Variants in CACNA2D3 observed in about 807,000 individuals in gnomAD.
CACNA2D3 encodes the protein voltage-dependent calcium channel subunit alpha-2/delta-3.
Under a neutral mutation model 160.6 loss-of-function variants are expected in CACNA2D3, and 60 were observed. The ratio of observed to expected loss-of-function variants is 0.37; its 90% CI spans 0.30 to 0.46. The LOEUF (loss-of-function observed/expected upper bound fraction) is 0.46. Ranked by LOEUF, CACNA2D3 falls within the 20% of genes least tolerant of loss-of-function variation. CACNA2D3 has a pLI of 1.00. For synonymous variants in CACNA2D3, 558 were observed against 492.9 expected, an observed-to-expected ratio of 1.13 and a Z score of -1.75; for missense variants, 1,205 against 1,365.0, an observed-to-expected ratio of 0.88 and a Z score of 1.85.
chr3:54,769,908 G>A (rs569080896), intron 13 of CACNA2D3, among the ~76,000 whole-genome samples: 1 of 152,276 alleles, frequency 6.6e-6, no homozygotes, highest in South Asian at 2.1e-4. Flanking sequence ...AGGCACTAAT[G>A]TCTGGGGGTG....
intron 9 of CACNA2D3, among the ~76,000 whole-genome samples, chr3:54,587,550 T>C (rs1702783472): frequency 6.6e-6 from 1 of 151,894 alleles, no homozygotes; most frequent in Non-Finnish European, 1.5e-5. Flanking sequence ...AGCAAGACTC[T>C]GTCTCAAAAA....
chr3:54,658,394 T>G (rs1205139605), intron 11 of CACNA2D3, among the ~76,000 whole-genome samples: 1 of 152,222 alleles, frequency 6.6e-6, no homozygotes, highest in South Asian at 2.1e-4. Flanking sequence ...TGGTATCTCA[T>G]TGTGGTTTTG....
chr3:54,612,625 G>C (rs1279593005), intron 9 of CACNA2D3, among the ~76,000 whole-genome samples: 1 of 152,156 alleles, frequency 6.6e-6, no homozygotes, highest in Non-Finnish European at 1.5e-5. Context: ...ATTTCAATTA[G>C]AGGTGAGTAG....
intron 5 of CACNA2D3, among the ~76,000 whole-genome samples, chr3:54,554,808 T>C (rs181257102): frequency 1.5e-3 from 222 of 151,570 alleles, no homozygotes; most frequent in African/African-American, 3.8e-3. Flanking sequence ...GTGGAGAACA[T>C]GGTGAAAGTT....
At position 54,303,831 on chromosome 3, in the gene CACNA2D3, T is replaced by G. The variant is rs538543881; in HGVS notation, c.205-16611T>G. On this transcript the variant is annotated intron_variant, in intron 2 of 37. Transcript: ENST00000474759. Reference sequence around the variant, plus strand: ...GACTTTTTTTCTGTTTTTTTTTTTTTTTTTTTTCTATTGCTTAGTGCTGCT... The same window carrying G: ...GACTTTTTTTCTGTTTTTTTTTTTTGTTTTTTTCTATTGCTTAGTGCTGCT... 8.2e-5 allele frequency among the ~76,000 whole-genome samples: 12 copies of G among 146,936 alleles called. No homozygotes were observed. In the South Asian group the frequency reaches 2.7e-3, roughly 33 times the overall value.
intron 17 of CACNA2D3, among the ~76,000 whole-genome samples, chr3:54,864,346 C>T (rs1559608782): frequency 6.6e-6 from 1 of 151,916 alleles, no homozygotes; most frequent in South Asian, 2.1e-4. Flanking sequence ...CAATCTCAGC[C>T]CACTGCAACC....
chr3:54,732,921 C>T (rs74860126), intron 11 of CACNA2D3, among the ~76,000 whole-genome samples: 1 of 152,344 alleles, frequency 6.6e-6, no homozygotes, highest in Non-Finnish European at 1.5e-5. Flanking sequence ...AGTTTAATTT[C>T]AGCAAGAATG....
At chr3:54,754,652 T>C (rs915340546) in intron 12 of CACNA2D3, among the ~76,000 whole-genome samples, 2 of 152,158 alleles carry the variant, frequency 1.3e-5, no homozygotes, top group Non-Finnish European at 2.9e-5. Context: ...AAGTTGACTC[T>C]AAGTACTAAT....
chr3:55,061,755 A>G (rs1210895814), intron 35 of CACNA2D3, among the ~76,000 whole-genome samples: 1 of 152,198 alleles, frequency 6.6e-6, no homozygotes, highest in Non-Finnish European at 1.5e-5. Flanking sequence ...GAAATAACTT[A>G]GGTTCAGTAC....
intron 17 of CACNA2D3, among the ~76,000 whole-genome samples, chr3:54,868,783 G>A (rs1002456510): frequency 4.6e-5 from 7 of 152,122 alleles, no homozygotes; most frequent in African/African-American, 1.4e-4. Context: ...TTATTGAATG[G>A]TCTTCTTCAT....
chr3:54,846,708 T>C (rs1698939557), intron 17 of CACNA2D3, among the ~76,000 whole-genome samples: 1 of 152,184 alleles, frequency 6.6e-6, no homozygotes, highest in East Asian at 1.9e-4. Context: ...TGTATATGCA[T>C]TTATTTATTT....
At chr3:54,949,361 G>A (rs1701697691) in intron 27 of CACNA2D3, among the ~76,000 whole-genome samples, 1 of 152,154 alleles carries the variant, frequency 6.6e-6, no homozygotes, top group African/African-American at 2.4e-5. Flanking sequence ...TGAAAAAAGG[G>A]GACATGCCTG....
intron 35 of CACNA2D3, among the ~76,000 whole-genome samples, chr3:55,072,620 G>A (rs1345650683): frequency 6.6e-6 from 1 of 152,208 alleles, no homozygotes; most frequent in African/African-American, 2.4e-5. Context: ...TCTAACCCTG[G>A]AGTTAAATAT....
At chr3:54,458,238 A>G (rs540566141) in intron 4 of CACNA2D3, among the ~76,000 whole-genome samples, 1 of 151,866 alleles carries the variant, frequency 6.6e-6, no homozygotes, top group African/African-American at 2.4e-5. Context: ...TCTTACTTCT[A>G]TGTGTATTTG....
intron 17 of CACNA2D3, among the ~76,000 whole-genome samples, chr3:54,852,190 G>A (rs780310502): frequency 3.3e-5 from 5 of 152,194 alleles, no homozygotes; most frequent in Non-Finnish European, 7.3e-5. Flanking sequence ...GAGTGGAAGT[G>A]GGAGGTTGCC....
At chr3:54,187,111 CAG>C (rs1700892192) in intron 2 of CACNA2D3, among the ~76,000 whole-genome samples, 1 of 152,194 alleles carries the variant, frequency 6.6e-6, no homozygotes, top group African/African-American at 2.4e-5. Context: ...CGGTGACTTT[CAG>C]AGTCTTGCAG....
intron 4 of CACNA2D3, among the ~76,000 whole-genome samples, chr3:54,435,579 C>T (rs1164402955): frequency 6.6e-6 from 1 of 152,166 alleles, no homozygotes; most frequent in Admixed American, 6.5e-5. Flanking sequence ...CACTCCCACC[C>T]AGCCCTTCTG....
intron 9 of CACNA2D3, among the ~76,000 whole-genome samples, chr3:54,586,371 T>G (rs1230262794): frequency 7.3e-6 from 1 of 136,344 alleles, no homozygotes; most frequent in Admixed American, 7.2e-5. Flanking sequence ...AAAGTAAGAG[T>G]GATTCTATTA....
At chr3:54,478,476 C>T (rs1477637379) in intron 4 of CACNA2D3, among the ~76,000 whole-genome samples, 5 of 151,052 alleles carry the variant, frequency 3.3e-5, no homozygotes, top group Admixed American at 2.6e-4. Flanking sequence ...ACTAAAAATA[C>T]AAAAAATTAG....
Sources: gnomAD v4.1 joint callset for allele counts (sites outside exome capture counted in the v4.1 genomes callset) on GRCh38, gnomAD v4.1.1 for gene constraint, MANE v1.5 for transcripts, NCBI Gene and HGNC (gene_info 2026-07-23, HGNC 2026-07-21) for gene names.